Variants in SNX29 observed in about 807,000 individuals in gnomAD.
The protein encoded by SNX29 is sorting nexin 29.
In SNX29, 78 loss-of-function variants were observed where a neutral mutation model predicts 102.1. That is an observed-to-expected ratio of 0.76 (90% confidence interval 0.64 to 0.92). SNX29 has a LOEUF of 0.92. SNX29 is among the 40% of genes least tolerant of loss of function. SNX29 has a pLI of 0.00. For missense variants in SNX29, 1,280 were observed against 1,061.7 expected (o/e 1.21, Z -2.86); for synonymous variants, 580 against 414.5 (o/e 1.40, Z -4.85).
intron 15 of SNX29, among the ~76,000 whole-genome samples, chr16:12,299,447 T>A (rs1266704693): frequency 6.6e-6 from 1 of 152,224 alleles, no homozygotes; most frequent in Non-Finnish European, 1.5e-5. Flanking sequence ...AAGAGTAGTT[T>A]TTGCCATTAC....
At chr16:12,007,279 C>T (rs1244143940) in intron 3 of SNX29, among the ~76,000 whole-genome samples, 4 of 151,988 alleles carry the variant, frequency 2.6e-5, no homozygotes, top group African/African-American at 4.8e-5. Flanking sequence ...CTGAGGCAGG[C>T]GAATCACTTG....
At chr16:12,450,162 A>G (rs1261755275) in intron 18 of SNX29, among the ~76,000 whole-genome samples, 1 of 152,164 alleles carries the variant, frequency 6.6e-6, no homozygotes, top group Non-Finnish European at 1.5e-5. Flanking sequence ...AGCCATGTAG[A>G]ACTGTGAGTC....
intron 18 of SNX29, among the ~76,000 whole-genome samples, chr16:12,458,799 C>T (rs564819906): frequency 1.0e-3 from 152 of 152,316 alleles, no homozygotes; most frequent in African/African-American, 3.6e-3. Context: ...GAGGCAGGCT[C>T]TGGCCACAGC....
chr16:12,273,868 C>T (rs1346418217), intron 14 of SNX29, among the ~76,000 whole-genome samples: 2 of 152,230 alleles, frequency 1.3e-5, no homozygotes, highest in African/African-American at 4.8e-5. Context: ...CTTCTTTCCC[C>T]TGGCTGAATG....
intron 18 of SNX29, among the ~76,000 whole-genome samples, chr16:12,450,223 T>G (rs753693848): frequency 1.3e-5 from 2 of 152,222 alleles, no homozygotes; most frequent in Admixed American, 1.3e-4. Context: ...ATGTCCTTAT[T>G]AGCAGTGAGA....
chr16:12,539,075 A>C (rs2141233035), intron 20 of SNX29, among the ~76,000 whole-genome samples: 1 of 152,346 alleles, frequency 6.6e-6, no homozygotes, highest in Non-Finnish European at 1.5e-5. Context: ...GATAGGGCCA[A>C]GTTTAATAGA....
chr16:12,224,543 G>C (rs1388915111), intron 14 of SNX29, among the ~76,000 whole-genome samples: 2 of 152,184 alleles, frequency 1.3e-5, no homozygotes, highest in African/African-American at 4.8e-5. Flanking sequence ...TCAAGGAAGG[G>C]TTCTTGGAGA....
chr16:12,086,450 G>A (rs1036814039), intron 11 of SNX29, among the ~76,000 whole-genome samples: 4 of 152,154 alleles, frequency 2.6e-5, no homozygotes, highest in South Asian at 2.1e-4. Context: ...GGTCTCTGTT[G>A]CCCAGGCTGG....
intron 20 of SNX29, among the ~76,000 whole-genome samples, chr16:12,565,539 T>C (rs953568421): frequency 2.0e-5 from 3 of 152,056 alleles, no homozygotes; most frequent in African/African-American, 4.8e-5. Flanking sequence ...GCCTCGAGGA[T>C]TGAACCATCC....
chr16:12,082,195 A>G (rs976951574), intron 11 of SNX29, among the ~76,000 whole-genome samples: 6 of 151,614 alleles, frequency 4.0e-5, no homozygotes, highest in Non-Finnish European at 5.9e-5. Context: ...CTGCGTTTTG[A>G]TTTATGGGCA....
intron 20 of SNX29, among the ~76,000 whole-genome samples, chr16:12,539,484 CAT>C (rs1435831238): frequency 6.6e-6 from 1 of 152,154 alleles, no homozygotes; most frequent in Non-Finnish European, 1.5e-5. Flanking sequence ...TTTATCTAGT[CAT>C]AAAGGAATAA....
chr16:12,148,530 A>G (rs994238662), intron 13 of SNX29, among the ~76,000 whole-genome samples: 1 of 151,572 alleles, frequency 6.6e-6, no homozygotes, highest in African/African-American at 2.4e-5. Flanking sequence ...TTCTTGTCCA[A>G]TCTCCCCCTC....
chr16:12,293,497 C>T (rs2079872598), intron 15 of SNX29, among the ~76,000 whole-genome samples: 1 of 152,186 alleles, frequency 6.6e-6, no homozygotes, highest in African/African-American at 2.4e-5. Context: ...TTTCCTGACA[C>T]ATTTTATGAC....
intron 20 of SNX29, among the ~76,000 whole-genome samples, chr16:12,555,328 T>C (rs73510251): frequency 0.047 from 7,069 of 151,776 alleles, 580 homozygotes; most frequent in African/African-American, 0.16. Context: ...CCAGTGTTTC[T>C]TGGCACCTGA....
chr16:12,537,427 T>G (rs1386676047), intron 20 of SNX29, among the ~76,000 whole-genome samples: 2 of 152,224 alleles, frequency 1.3e-5, no homozygotes, highest in African/African-American at 4.8e-5. Context: ...CCAGCTCAAC[T>G]ACATAGCAGC....
chr16:12,265,436 G>C (rs974784034), intron 14 of SNX29, among the ~76,000 whole-genome samples: 1 of 152,148 alleles, frequency 6.6e-6, no homozygotes, highest in Middle Eastern at 3.2e-3. Context: ...TGATCTCTTG[G>C]AAGCGAGACG....
chr16:12,544,939 C>A (rs950223408), intron 20 of SNX29, among the ~76,000 whole-genome samples: 1 of 152,330 alleles, frequency 6.6e-6, no homozygotes, highest in South Asian at 2.1e-4. Flanking sequence ...CCCTTGTTCA[C>A]TGTATTTCCA....
In SNX29 at chr16:12,273,432, C is replaced by A. The variant is rs187009241; in HGVS notation, c.1679-4501C>A. 3.0e-3 allele frequency among the ~76,000 whole-genome samples: 455 copies of A among 149,810 alleles called. 2 individuals are homozygous for A. The highest frequency in any genetic ancestry group is 4.7e-3 in the Non-Finnish European group (317 of 67,216). Reference sequence around the variant, plus strand: ...GTAGTGCAATGGTGGGATCTCGGCTCACTGCAACCTCTGCCTCCCGGATTC... The same window carrying A: ...GTAGTGCAATGGTGGGATCTCGGCTAACTGCAACCTCTGCCTCCCGGATTC... On this transcript the variant is annotated intron_variant, in intron 14 of 20. Coordinates refer to ENST00000566228, the MANE Select transcript of SNX29 (RefSeq NM_032167.5).
Position 12,564,737 on chromosome 16 carries a change from C to T in SNX29, c.2319-3769C>T, listed in dbSNP as rs967585532. Among the ~76,000 whole-genome samples, 41 of 152,046 alleles carry T rather than the reference C, an allele frequency of 2.7e-4. 2 individuals are homozygous for T. In the South Asian group the frequency reaches 7.9e-3, roughly 29 times the overall value. On this transcript the variant is annotated intron_variant, in intron 20 of 20. Transcript: ENST00000566228. ...ACTTTGTTATAAAAATGCAGTTGTG[C>T]CTAACAACTGTCTGCTTCTTGGTGA...
Sources: gnomAD v4.1 joint callset for allele counts (sites outside exome capture counted in the v4.1 genomes callset) on GRCh38, gnomAD v4.1.1 for gene constraint, MANE v1.5 for transcripts, NCBI Gene and HGNC (gene_info 2026-07-23, HGNC 2026-07-21) for gene names.